AMN: variants seen among roughly 807,000 people sequenced by gnomAD.
AMN encodes amnion associated transmembrane protein.
Under a neutral mutation model 49.1 loss-of-function variants are expected in AMN, and 40 were observed. The ratio of observed to expected loss-of-function variants is 0.81; its 90% CI spans 0.63 to 1.06. The LOEUF is 1.06. AMN is among the 50% of genes least tolerant of loss of function. The pLI is 0.00. For missense variants in AMN, 701 were observed against 662.8 expected, an observed-to-expected ratio of 1.06 and a Z score of -0.63; for synonymous variants, 380 against 313.3, an observed-to-expected ratio of 1.21 and a Z score of -2.25.
intron 10 of AMN, 30 bp downstream of exon 10, chr14:102,930,357 C>G (rs1470172542): frequency 1.2e-5 from 17 of 1,453,896 alleles, no homozygotes; most frequent in Non-Finnish European, 1.5e-5. Context: ...GGAGGTGGGG[C>G]TGGGGGTTGC....
In AMN at chr14:102,929,643, C is replaced by G. The variant is rs1364160469; in HGVS notation, c.761-12C>G. 6.5e-7 allele frequency: 1 copy of G among 1,548,930 alleles called. No individual in the cohort carries two copies. The highest frequency in any genetic ancestry group is 8.7e-7 in the Non-Finnish European group (1 of 1,146,840). ...CGGATCCACGGCGCTGACCCCTGCC[C>G]TCCCGCCGCAGGAGCCGTTGTGTTG... On this transcript the variant is annotated splice_polypyrimidine_tract_variant and intron_variant, in intron 7 of 11. Transcript: ENST00000299155.
rs1177567257 is a variant in AMN, at chr14:102,923,848, G to A, written c.162+19G>A. The A allele has an allele frequency of 6.2e-7, 1 of 1,612,608 alleles. No individual in the cohort carries two copies. Among genetic ancestry groups the A allele is most frequent in the Non-Finnish European group, 8.5e-7 (1 of 1,179,772 alleles). On this transcript the variant is annotated intron_variant, in intron 2 of 11. Transcript: ENST00000299155. Reference sequence around the variant, plus strand: ...GGACAAGGTGCCTGGGAGCGCCGGCGGGGTCGGTGATGGGCCTGGACCCCT... The same window carrying A: ...GGACAAGGTGCCTGGGAGCGCCGGCAGGGTCGGTGATGGGCCTGGACCCCT...
chr14:102,922,730 C>A lies in AMN; in HGVS notation c.42C>A (p.Cys14Ter). ...GGGTCCTGCTGTGGCTGCAGCTCTG[C>A]GGTGAGCCGGGACCACACCGGTGCG... is the stretch of plus-strand genomic sequence containing the variant. ...LGRVLLWLQL[C>*]ALTQAVSKLW... Residue 14 changes from cysteine to a stop codon, truncating the protein, a stop_gained and splice_region_variant, in exon 1 of 12, where the codon TGC becomes TGA. Transcript: ENST00000299155. LOFTEE classifies it high-confidence loss of function. 1.3e-6 allele frequency: 2 copies of A among 1,587,370 alleles called. No individual in the cohort carries two copies. The highest frequency in any genetic ancestry group is 1.7e-6 in the Non-Finnish European group (2 of 1,170,828).
Position 102,930,020 on chromosome 14 carries a change from A to G in AMN, c.940A>G (p.Asn314Asp), listed in dbSNP as rs1406068717. 1 of 1,555,600 alleles carries G rather than the reference A, an allele frequency of 6.4e-7. No homozygotes were observed. Among genetic ancestry groups the G allele is most frequent in the Admixed American group, 1.9e-5 (1 of 51,916 alleles). The change falls in exon 9 of 12, where the codon AAT becomes GAT. Residue 314 changes from asparagine to aspartate, a missense_variant. By Grantham distance (23) the Asn-to-Asp change is conservative (BLOSUM62 1). Transcript: ENST00000299155. ...DTEIQVVLVENGPETGGAGRL... is the reference protein window; with the variant it reads ...DTEIQVVLVEDGPETGGAGRL... ...GGAGATCCAGGTGGTGCTGGTGGAG[A>G]ATGGGCCCGAGACAGGCGGAGCGGG...
intron 3 of AMN, among the ~76,000 whole-genome samples, chr14:102,927,472 C>T (rs1242890962): frequency 6.6e-6 from 1 of 152,262 alleles, no homozygotes; most frequent in Non-Finnish European, 1.5e-5. Context: ...GTCCCCACGG[C>T]TCCACCTCTG....
chr14:102,922,881 C>T lies in AMN; in HGVS notation c.43+150C>T, dbSNP rs755318316. 47 of 1,120,086 alleles carry T rather than the reference C, an allele frequency of 4.2e-5. 1 individual carries two copies. Among genetic ancestry groups the T allele is most frequent in the Middle Eastern group, 3.0e-4 (1 of 3,356 alleles). The allele number at this position is 1,120,086 out of a possible 1,614,324, so 69.4% of individuals were successfully genotyped here. On this transcript the variant is annotated intron_variant, in intron 1 of 11. Coordinates refer to ENST00000299155, the MANE Select transcript of AMN (RefSeq NM_030943.4). ...TTGGGGGCGTGAAACTCGGCCCTGC[C>T]TCCCTCGTCTGGCGAGTGCGCAGCC...
chr14:102,930,308 C>T lies in AMN; in HGVS notation c.1150C>T (p.Arg384Cys), dbSNP rs1024857082. 2 of 1,376,390 alleles carry T rather than the reference C, an allele frequency of 1.5e-6. No individual in the cohort carries two copies. Among genetic ancestry groups the T allele is most frequent in the Non-Finnish European group, 1.9e-6 (2 of 1,073,174 alleles). 85.3% of individuals were successfully genotyped at this position (1,376,390 alleles called of 1,614,324 possible). ...LVLLVAPPLL[R>C]RAGRLRWRRH... ...CCTGCTGGTGGCGCCGCCGCTGCTGCGCCGCGCGGGGAGGCTCAGGTACGC... is the reference window on the plus strand; with the variant it reads ...CCTGCTGGTGGCGCCGCCGCTGCTGTGCCGCGCGGGGAGGCTCAGGTACGC... Residue 384 changes from arginine (R) to cysteine (C), a missense_variant, in exon 10 of 12, where the codon CGC (arginine) becomes TGC (cysteine). Physicochemically the swap from Arg to Cys is radical, Grantham distance 180. Coordinates refer to ENST00000299155, the MANE Select transcript of AMN (RefSeq NM_030943.4).
At chr14:102,923,563 A>G (rs1341643004) in intron 1 of AMN, 148 bp from the exon 2 acceptor site, 1 of 766,396 alleles carries the variant, frequency 1.3e-6, no homozygotes, top group Non-Finnish European at 2.3e-6. Context: ...GGGAGGGACC[A>G]GGGTCTGGGT....
At chr14:102,924,226 T>G (rs571044395) in intron 3 of AMN, among the ~76,000 whole-genome samples, 250 of 152,280 alleles carry the variant, frequency 1.6e-3, no homozygotes, top group African/African-American at 6.0e-3. Flanking sequence ...ACAGCCCTTG[T>G]GATGCCCAGC....
chr14:102,928,758 G>T lies in AMN; in HGVS notation c.296G>T (p.Gly99Val). Reference protein sequence around the residue: ...DVGSHLDCGAGEPAVFRDSDR... With the variant: ...DVGSHLDCGAVEPAVFRDSDR... ...AGCTCAGGGATGTGCTCCGGCTCAG[G>T]CGAACCTGCCGTCTTCCGCGACTCT... Residue 99 changes from glycine to valine, a missense_variant and splice_region_variant, in exon 5 of 12, where the codon GGC (glycine) becomes GTC (valine). Physicochemically the swap from Gly to Val is moderately radical, Grantham distance 109. Coordinates refer to ENST00000299155, the MANE Select transcript of AMN (RefSeq NM_030943.4). The T allele has an allele frequency of 6.2e-7, 1 of 1,607,134 alleles. No individual in the cohort carries two copies. The highest frequency in any genetic ancestry group is 2.2e-5 in the East Asian group (1 of 44,774).
rs1134469 is a variant in AMN, at chr14:102,928,832, G to A, written c.370G>A (p.Ala124Thr). 3 of 1,606,676 alleles carry A rather than the reference G, an allele frequency of 1.9e-6. No homozygotes were observed. The highest frequency in any genetic ancestry group is 2.5e-6 in the Non-Finnish European group (3 of 1,179,834). Residue 124 changes from alanine (A) to threonine (T), a missense_variant, in exon 5 of 12, where the codon GCA becomes ACA. Physicochemically the swap from Ala to Thr is moderately conservative, Grantham distance 58. Transcript: ENST00000299155. ...GCACCTGTGGCGCTCTGGGGACGAG[G>A]CACCTGGCCTCTTCTTCGTGGACGC... is the stretch of plus-strand genomic sequence containing the variant. ...DPHLWRSGDE[A>T]PGLFFVDAER... is the part of the protein sequence containing the mutation.
intron 4 of AMN, 115 bp from the exon 5 acceptor site, chr14:102,928,643 G>T: frequency 6.7e-7 from 1 of 1,493,850 alleles, no homozygotes; most frequent in Non-Finnish European, 9.0e-7. Flanking sequence ...GGGAGTGGCG[G>T]AAGTGTCCCG....
In AMN at chr14:102,929,967, G is replaced by C. The variant is rs1396619446; in HGVS notation, c.887G>C (p.Arg296Pro). The change falls in exon 9 of 12, where the codon CGC (arginine) becomes CCC (proline). Residue 296 changes from arginine (R) to proline (P), a missense_variant. Physicochemically the swap from Arg to Pro is moderately radical, Grantham distance 103. Transcript: ENST00000299155. The part of the protein sequence containing the change: ...GLQVAVSKVP[R>P]SSRLREADTE... ...CAGGTGGCCGTGTCCAAGGTGCCACGCTCGTCCCGGCTCCGTGAGGCCGAT... is the reference window on the plus strand; with the variant it reads ...CAGGTGGCCGTGTCCAAGGTGCCACCCTCGTCCCGGCTCCGTGAGGCCGAT... 6.4e-7 allele frequency: 1 copy of C among 1,563,814 alleles called. No individual in the cohort carries two copies. The highest frequency in any genetic ancestry group is 8.7e-7 in the Non-Finnish European group (1 of 1,155,180).
chr14:102,929,241 G>A lies in AMN; in HGVS notation c.634G>A (p.Val212Ile). 1 of 1,505,564 alleles carries A rather than the reference G, an allele frequency of 6.6e-7. No individual in the cohort carries two copies. 93.3% of individuals were successfully genotyped at this position (1,505,564 alleles called of 1,614,324 possible). A position where few individuals can be genotyped will look rare whatever the true frequency, so the allele number is the denominator to read the frequency against. Residue 212 changes from valine (V) to isoleucine (I), a missense_variant, in exon 6 of 12, where the codon GTC becomes ATC. By Grantham distance (29) the Val-to-Ile change is conservative. Coordinates refer to ENST00000299155, the MANE Select transcript of AMN (RefSeq NM_030943.4). ...GGACTGCGCGGACCCGTCGGGCTGC[G>A]TCTGCGGCAACGCGGAGGTGAGCGA... ...PEDCADPSGC[V>I]CGNAEAQPWI...
intron 1 of AMN, chr14:102,923,339 G>T: frequency 3.0e-6 from 1 of 330,130 alleles, no homozygotes; most frequent in Non-Finnish European, 5.8e-6. Flanking sequence ...CTGATTCCAA[G>T]GCCGAGAAGA....
At chr14:102,927,503 C>T (rs1891214352) in intron 3 of AMN, among the ~76,000 whole-genome samples, 1 of 152,238 alleles carries the variant, frequency 6.6e-6, no homozygotes, top group African/African-American at 2.4e-5. Context: ...GGGACTTGCC[C>T]TGCTGGCAGT....
At position 102,923,820 on chromosome 14, in the gene AMN, G is replaced by A. The variant is rs771262042; in HGVS notation, c.153G>A (p.Pro51=). The change falls in exon 2 of 12, where the codon CCG becomes CCA. Residue 51 remains proline, a synonymous_variant. Coordinates refer to ENST00000299155, the MANE Select transcript of AMN (RefSeq NM_030943.4). ...TPCAGGAVEF[P]ADKMVSVLVQ... ...GCGCCGGCGGCGCCGTTGAGTTCCC[G>A]GCGGACAAGGTGCCTGGGAGCGCCG... 39 of 1,612,502 alleles carry A rather than the reference G, an allele frequency of 2.4e-5. 1 individual carries two copies. In the East Asian group the frequency reaches 8.0e-4, roughly 33 times the overall value.
chr14:102,922,861 G>GA, intron 1 of AMN, 130 bp downstream of exon 1: 4 of 1,314,358 alleles, frequency 3.0e-6, no homozygotes, highest in South Asian at 1.4e-5. Context: ...GAGGGTTGGG[G>GA]GCGTGAAACT....
At chr14:102,928,667 G>A (rs998491399) in intron 4 of AMN, 91 bp from the exon 5 acceptor site, 9 of 1,520,164 alleles carry the variant, frequency 5.9e-6, no homozygotes, top group Middle Eastern at 1.8e-4. Context: ...CGGGGCTTGG[G>A]AGGTCGTGCT....
Sources: gnomAD v4.1 joint callset for allele counts (sites outside exome capture counted in the v4.1 genomes callset) on GRCh38, gnomAD v4.1.1 for gene constraint, MANE v1.5 for transcripts, NCBI Gene and HGNC (gene_info 2026-07-23, HGNC 2026-07-21) for gene names.